BBS9: variants seen among roughly 807,000 people sequenced by gnomAD.
The protein encoded by BBS9 is protein PTHB1.
A neutral mutation model predicts 117.7 loss-of-function variants in BBS9; 89 were observed. The observed-to-expected ratio is 0.76, with a 90% CI of 0.64 to 0.90. The LOEUF (loss-of-function observed/expected upper bound fraction) is 0.90, where lower values mean the gene tolerates loss of function less well. Among genes scored for constraint, BBS9 ranks in the 40% least tolerant of loss-of-function variants. The pLI, the probability that BBS9 is intolerant of heterozygous loss-of-function variation, is 0.00. For synonymous variants in BBS9, 379 were observed against 370.9 expected (o/e 1.02, Z -0.25); for missense variants, 982 against 1,042.2 (o/e 0.94, Z 0.80).
intron 21 of BBS9, among the ~76,000 whole-genome samples, chr7:33,630,392 T>C (rs941942309): frequency 1.3e-5 from 2 of 151,936 alleles, no homozygotes; most frequent in Non-Finnish European, 2.9e-5. Flanking sequence ...TTCTGGGGAG[T>C]TTTTTTGGAG....
chr7:33,196,643 T>C (rs931682602), intron 5 of BBS9, among the ~76,000 whole-genome samples: 3 of 152,224 alleles, frequency 2.0e-5, no homozygotes, highest in Non-Finnish European at 4.4e-5. Context: ...TGTGGTGTAC[T>C]GGCTCCCGTT....
chr7:33,572,908 A>G (rs901531166), intron 21 of BBS9, among the ~76,000 whole-genome samples: 2 of 152,066 alleles, frequency 1.3e-5, no homozygotes, highest in Non-Finnish European at 2.9e-5. Flanking sequence ...TTCAGTGGTT[A>G]TACTTCACTA....
At chr7:33,570,504 G>A (rs1403189988) in intron 21 of BBS9, among the ~76,000 whole-genome samples, 2 of 152,164 alleles carry the variant, frequency 1.3e-5, no homozygotes, top group African/African-American at 4.8e-5. Flanking sequence ...ATGAGAGAAT[G>A]TAAAATCACC....
At chr7:33,158,543 A>ATT (rs1794397023) in intron 4 of BBS9, among the ~76,000 whole-genome samples, 1 of 152,182 alleles carries the variant, frequency 6.6e-6, no homozygotes, top group Non-Finnish European at 1.5e-5. Context: ...TTTTCTCCAT[A>ATT]GTTGCATTAT....
intron 15 of BBS9, 113 bp from the exon 16 acceptor site, chr7:33,357,742 G>T (rs751235867): frequency 6.5e-6 from 7 of 1,070,750 alleles, no homozygotes; most frequent in South Asian, 3.8e-5. Context: ...AGCAAAATAG[G>T]CAGGCAACAA....
chr7:33,439,819 G>A (rs542114186), intron 19 of BBS9, among the ~76,000 whole-genome samples: 25 of 152,216 alleles, frequency 1.6e-4, no homozygotes, highest in Admixed American at 1.3e-3. Context: ...GAGCCACTGC[G>A]CCCGGCCTTT....
At chr7:33,463,644 A>C (rs994193467) in intron 19 of BBS9, among the ~76,000 whole-genome samples, 19 of 152,102 alleles carry the variant, frequency 1.2e-4, no homozygotes, top group African/African-American at 4.6e-4. Flanking sequence ...CAGCTAGTAC[A>C]ATCGGGTTTA....
At chr7:33,469,624 A>G (rs915526108) in intron 19 of BBS9, among the ~76,000 whole-genome samples, 1 of 152,206 alleles carries the variant, frequency 6.6e-6, no homozygotes, top group African/African-American at 2.4e-5. Context: ...AACTGCAACA[A>G]TGCAATATCT....
intron 15 of BBS9, among the ~76,000 whole-genome samples, chr7:33,355,684 C>T (rs1298942364): frequency 2.6e-5 from 4 of 151,934 alleles, no homozygotes; most frequent in Non-Finnish European, 5.9e-5. Context: ...GTGATATTGT[C>T]ATTAACTGAC....
intron 9 of BBS9, among the ~76,000 whole-genome samples, chr7:33,295,573 T>G (rs960281204): frequency 2.0e-5 from 3 of 152,012 alleles, no homozygotes; most frequent in African/African-American, 7.2e-5. Flanking sequence ...ATTATTATTT[T>G]AGTTTGTGGA....
intron 19 of BBS9, among the ~76,000 whole-genome samples, chr7:33,489,289 C>T (rs114919563): frequency 0.035 from 5,261 of 149,574 alleles, 111 homozygotes; most frequent in Middle Eastern, 0.099. Flanking sequence ...CCACTGCACC[C>T]GGCCAGGACA....
intron 21 of BBS9, among the ~76,000 whole-genome samples, chr7:33,600,422 G>A (rs1028708876): frequency 5.3e-5 from 8 of 151,056 alleles, no homozygotes; most frequent in African/African-American, 1.5e-4. Context: ...GAGAAGCATT[G>A]CTGTAAACTA....
At chr7:33,244,087 A>G (rs1276836568) in intron 5 of BBS9, among the ~76,000 whole-genome samples, 1 of 152,108 alleles carries the variant, frequency 6.6e-6, no homozygotes. Context: ...AAAATTAGCC[A>G]GAAGTGGTGC....
At chr7:33,154,004 A>AT (rs1452594053) in intron 3 of BBS9, among the ~76,000 whole-genome samples, 1 of 152,224 alleles carries the variant, frequency 6.6e-6, no homozygotes, top group Non-Finnish European at 1.5e-5. Context: ...TCTGTATAGT[A>AT]GTCCTTAAGT....
chr7:33,539,812 C>T (rs1162573208), intron 21 of BBS9, among the ~76,000 whole-genome samples: 3 of 152,216 alleles, frequency 2.0e-5, no homozygotes, highest in Non-Finnish European at 4.4e-5. Context: ...ACTTTAACTG[C>T]ATTAAACTTG....
At chr7:33,451,840 T>C (rs1837920255) in intron 19 of BBS9, among the ~76,000 whole-genome samples, 1 of 152,202 alleles carries the variant, frequency 6.6e-6, no homozygotes, top group Non-Finnish European at 1.5e-5. Context: ...GGGAACATTT[T>C]TTTTTTCTTT....
chr7:33,162,960 G>C (rs975561836), intron 4 of BBS9, among the ~76,000 whole-genome samples: 2 of 152,178 alleles, frequency 1.3e-5, no homozygotes, highest in African/African-American at 4.8e-5. Flanking sequence ...GATATTGGCT[G>C]TGGGTTTCTC....
chr7:33,501,477 C>T (rs115561551), intron 19 of BBS9, among the ~76,000 whole-genome samples: 336 of 152,236 alleles, frequency 2.2e-3, no homozygotes, highest in African/African-American at 7.8e-3. Context: ...GGAATATATC[C>T]AATGAGACTG....
At chr7:33,470,781 C>A (rs1187586856) in intron 19 of BBS9, among the ~76,000 whole-genome samples, 3 of 152,094 alleles carry the variant, frequency 2.0e-5, no homozygotes, top group Admixed American at 1.3e-4. Context: ...GTAAGAGAAT[C>A]CTTGGGCCAG....
Sources: allele counts gnomAD v4.1 joint callset (sites outside exome capture counted in the v4.1 genomes callset), GRCh38; gene constraint gnomAD v4.1.1; transcripts MANE v1.5; gene names NCBI Gene and HGNC (gene_info 2026-07-23, HGNC 2026-07-21).